The following LYN variants were observed in gnomAD, a reference collection of about 807,000 sequenced individuals.
LYN encodes tyrosine-protein kinase Lyn.
Under a neutral mutation model 65.0 loss-of-function variants are expected in LYN, and 12 were observed. The observed-to-expected ratio is 0.18, with a 90% CI of 0.12 to 0.30. LYN has a LOEUF of 0.30. Among genes scored for constraint, LYN ranks in the 10% least tolerant of loss-of-function variants. LYN has a pLI of 1.00. For missense variants in LYN, 380 were observed against 623.2 expected (o/e 0.61, Z 4.16); for synonymous variants, 222 against 221.2 (o/e 1.00, Z -0.03).
chr8:55,991,793 T>A (rs1808257781), intron 10 of LYN, among the ~76,000 whole-genome samples: 1 of 152,176 alleles, frequency 6.6e-6, no homozygotes, highest in African/African-American at 2.4e-5. Context: ...AGTAAACCGC[T>A]TTTTAAAAAC....
At chr8:55,985,437 A>G (rs1010750114) in intron 10 of LYN, among the ~76,000 whole-genome samples, 1 of 152,212 alleles carries the variant, frequency 6.6e-6, no homozygotes, top group African/African-American at 2.4e-5. Flanking sequence ...TGAAATATAA[A>G]TAAAGAGGAT....
At chr8:55,892,998 G>T (rs878958143) in intron 1 of LYN, among the ~76,000 whole-genome samples, 4 of 152,028 alleles carry the variant, frequency 2.6e-5, no homozygotes, top group African/African-American at 9.7e-5. Context: ...TCCAGTGTAG[G>T]CTTCTAAACA....
At chr8:55,958,036 G>T (rs1807170738) in intron 8 of LYN, among the ~76,000 whole-genome samples, 1 of 152,208 alleles carries the variant, frequency 6.6e-6, no homozygotes, top group African/African-American at 2.4e-5. Flanking sequence ...AGTGCGTCCT[G>T]CAGGGGGTGC....
In LYN at chr8:55,956,483, G is replaced by T. The variant is rs187279673; in HGVS notation, c.790+2499G>T. On this transcript the variant is annotated intron_variant, in intron 8 of 12. Transcript: ENST00000519728. ...TAATCCACCATCACTTTTATTTAAA[G>T]TGATCCAAAAGTTTAAATGGATCAT... 3.8e-3 allele frequency among the ~76,000 whole-genome samples: 582 copies of T among 152,230 alleles called. 4 individuals are homozygous for T. Among genetic ancestry groups the T allele is most frequent in the African/African-American group, 0.013 (553 of 41,546 alleles).
intron 2 of LYN, among the ~76,000 whole-genome samples, chr8:55,942,445 A>G (rs560090401): frequency 0.024 from 3,318 of 137,154 alleles, 131 homozygotes; most frequent in African/African-American, 0.09. Context: ...GTGTGTGTGT[A>G]TATATATATA....
chr8:55,907,885 T>TTAAA (rs1805476907), intron 1 of LYN, among the ~76,000 whole-genome samples: 2 of 151,868 alleles, frequency 1.3e-5, no homozygotes, highest in African/African-American at 2.4e-5. Context: ...AGTAAGTAGT[T>TTAAA]TAAATAAATA....
chr8:55,908,769 T>C (rs1318626267), intron 1 of LYN, among the ~76,000 whole-genome samples: 1 of 151,768 alleles, frequency 6.6e-6, no homozygotes, highest in Non-Finnish European at 1.5e-5. Flanking sequence ...AAAGTCTCCA[T>C]TGCCTGTCAT....
intron 1 of LYN, among the ~76,000 whole-genome samples, chr8:55,923,492 C>T (rs978160785): frequency 6.6e-6 from 1 of 152,052 alleles, no homozygotes; most frequent in African/African-American, 2.4e-5. Context: ...CAAGGCAACC[C>T]GACAGCAGAA....
chr8:55,936,465 C>T (rs950712930), intron 1 of LYN, among the ~76,000 whole-genome samples: 1 of 152,096 alleles, frequency 6.6e-6, no homozygotes, highest in Non-Finnish European at 1.5e-5. Context: ...TATGGTGAAA[C>T]CCTGTCTCTA....
rs1238266741 is a variant in LYN at position 55,908,645 on chromosome 8, G to A, written c.-6+28542G>A. ...GGTGCAAGTGCAGTTTTGTTACACG[G>A]ATATATTGCAGAGTGGTGAAGTCTG... On this transcript the variant is annotated intron_variant, in intron 1 of 12. Transcript: ENST00000519728. Among the ~76,000 whole-genome samples the A allele has an allele frequency of 2.0e-5, 3 of 152,124 alleles. No homozygotes were observed. In the East Asian group the frequency reaches 5.8e-4, roughly 29 times the overall value.
intron 10 of LYN, among the ~76,000 whole-genome samples, chr8:55,983,004 T>C (rs1807972035): frequency 6.6e-6 from 1 of 152,050 alleles, no homozygotes; most frequent in South Asian, 2.1e-4. Flanking sequence ...CCCTCCCCCA[T>C]GTCACACGCA....
At chr8:55,956,673 T>C (rs1427197716) in intron 8 of LYN, among the ~76,000 whole-genome samples, 1 of 152,202 alleles carries the variant, frequency 6.6e-6, no homozygotes, top group African/African-American at 2.4e-5. Context: ...AAAGCTCCAG[T>C]CCTTTCTGTC....
In LYN at chr8:56,011,013, CATA is replaced by C; in HGVS notation, c.*905_*907del. The C allele has an allele frequency of 4.3e-6, 1 of 232,390 alleles. No homozygotes were observed. Among genetic ancestry groups the C allele is most frequent in the East Asian group, 6.1e-5 (1 of 16,392 alleles). 14.4% of individuals were successfully genotyped at this position (232,390 alleles called of 1,614,324 possible). ...AAGAACCTTATAGGGCCTTCTAAAA[CATA>C]AGAGTTTCCTTTGTTGCTTCAAATA... On this transcript the variant is annotated 3_prime_UTR_variant, in exon 13 of 13. Transcript: ENST00000519728.
chr8:55,979,813 AC>A (rs1370164669), intron 10 of LYN, among the ~76,000 whole-genome samples: 1 of 152,172 alleles, frequency 6.6e-6, no homozygotes, highest in Non-Finnish European at 1.5e-5. Context: ...GCAGCCTGAC[AC>A]CCTGCCCAAG....
chr8:55,919,413 T>C (rs1223716335), intron 1 of LYN, among the ~76,000 whole-genome samples: 1 of 152,190 alleles, frequency 6.6e-6, no homozygotes, highest in Non-Finnish European at 1.5e-5. Context: ...ATAGTGCTTT[T>C]CATAGAAATA....
intron 8 of LYN, 112 bp from the exon 9 acceptor site, chr8:55,966,603 G>T: frequency 1.2e-6 from 1 of 813,044 alleles, no homozygotes; most frequent in East Asian, 2.7e-5. Flanking sequence ...CCTGACATCA[G>T]GTGACCCACT....
intron 1 of LYN, among the ~76,000 whole-genome samples, chr8:55,914,528 C>T (rs1403676667): frequency 6.6e-6 from 1 of 152,088 alleles, no homozygotes; most frequent in Non-Finnish European, 1.5e-5. Context: ...GGACTAGGGG[C>T]CTGGGTAGGT....
chr8:55,933,687 T>C (rs1484069740), intron 1 of LYN, among the ~76,000 whole-genome samples: 1 of 152,236 alleles, frequency 6.6e-6, no homozygotes, highest in African/African-American at 2.4e-5. Flanking sequence ...CTTCCTGAGT[T>C]CAACACTGTC....
intron 2 of LYN, among the ~76,000 whole-genome samples, chr8:55,943,987 G>T (rs557854368): frequency 6.6e-6 from 1 of 152,178 alleles, no homozygotes; most frequent in African/African-American, 2.4e-5. Flanking sequence ...GGAGGCTGAG[G>T]CAGGAGAATT....
Sources: gnomAD v4.1 joint callset for allele counts (sites outside exome capture counted in the v4.1 genomes callset) on GRCh38, gnomAD v4.1.1 for gene constraint, MANE v1.5 for transcripts, NCBI Gene and HGNC (gene_info 2026-07-23, HGNC 2026-07-21) for gene names.